GNA13: variants seen among roughly 807,000 people sequenced by gnomAD.
The protein encoded by GNA13 is guanine nucleotide-binding protein subunit alpha-13.
GNA13 carries 4 observed loss-of-function variants against 33.5 expected under a neutral mutation model. The ratio of observed to expected loss-of-function variants is 0.12; its 90% CI spans 0.06 to 0.27. GNA13 has a LOEUF of 0.27. Among genes scored for constraint, GNA13 ranks in the 10% least tolerant of loss-of-function variants. The probability of loss-of-function intolerance (pLI) is 1.00; values close to 1 mark genes in which losing one functional copy is unlikely to be tolerated. For synonymous variants in GNA13, 176 were observed against 183.8 expected, an observed-to-expected ratio of 0.96 and a Z score of 0.34; for missense variants, 319 against 487.2, an observed-to-expected ratio of 0.65 and a Z score of 3.25.
At chr17:65,042,554 C>T (rs371540579) in intron 2 of GNA13, among the ~76,000 whole-genome samples, 7 of 151,740 alleles carry the variant, frequency 4.6e-5, no homozygotes, top group Admixed American at 2.0e-4. Flanking sequence ...ATGGCCAACA[C>T]GGTGAAACCC....
chr17:65,020,776 G>A (rs1329660935), intron 2 of GNA13, among the ~76,000 whole-genome samples: 1 of 151,706 alleles, frequency 6.6e-6, no homozygotes, highest in Non-Finnish European at 1.5e-5. Flanking sequence ...TCAGCCTCTG[G>A]GGTAGCTGGG....
intron 3 of GNA13, among the ~76,000 whole-genome samples, chr17:65,017,792 A>G (rs1906424545): frequency 6.6e-6 from 1 of 152,186 alleles, no homozygotes; most frequent in Admixed American, 6.5e-5. Flanking sequence ...AAATCAGTCA[A>G]CCCACTGTGT....
chr17:65,014,613 G>C lies in GNA13; in HGVS notation c.778C>G (p.Arg260Gly). 2 of 1,613,880 alleles carry C rather than the reference G, an allele frequency of 1.2e-6. No individual in the cohort carries two copies. Among genetic ancestry groups the C allele is most frequent in the Non-Finnish European group, 1.7e-6 (2 of 1,179,754 alleles). ...SEFDQVLMEDRLTNRLTESLN... is the reference protein window; with the variant it reads ...SEFDQVLMEDGLTNRLTESLN... ...GACTCTGTAAGGCGATTGGTCAGTC[G>C]ATCTTCCATAAGCACCTGGTCAAAT... Residue 260 changes from arginine (R) to glycine (G), a missense_variant, in exon 4 of 4, where the codon CGA becomes GGA. Around this residue, in one of 4 missense-constraint regions of GNA13, gnomAD observed 134 missense variants for 241.3 expected, o/e 0.56. Transcript: ENST00000439174. This position sits in a 1 kb window ranked among gnomAD's most constrained non-coding sequence, Gnocchi z 5.3.
At chr17:65,052,354 G>C (rs774151634) in intron 2 of GNA13, among the ~76,000 whole-genome samples, 11 of 152,162 alleles carry the variant, frequency 7.2e-5, no homozygotes, top group Non-Finnish European at 1.5e-4. Context: ...GTGTTTCACC[G>C]TGTTGGCCAG....
chr17:65,051,334 G>A (rs947321201), intron 2 of GNA13, among the ~76,000 whole-genome samples: 3 of 152,174 alleles, frequency 2.0e-5, no homozygotes, highest in Non-Finnish European at 4.4e-5. Context: ...GGAGGTAGAT[G>A]GCCAGGCACA....
intron 2 of GNA13, among the ~76,000 whole-genome samples, chr17:65,051,509 G>A (rs111378471): frequency 1.2e-4 from 19 of 152,216 alleles, no homozygotes; most frequent in Middle Eastern, 3.4e-3. Context: ...CAGCTACTTG[G>A]GAGGCTGAGG....
At chr17:65,030,666 C>T (rs1414500948) in intron 2 of GNA13, among the ~76,000 whole-genome samples, 1 of 152,158 alleles carries the variant, frequency 6.6e-6, no homozygotes, top group Non-Finnish European at 1.5e-5. Flanking sequence ...GCAGAAATTT[C>T]ACTTTGAAAA....
chr17:65,023,486 T>G (rs1309092356), intron 2 of GNA13, among the ~76,000 whole-genome samples: 2 of 152,248 alleles, frequency 1.3e-5, no homozygotes, highest in Non-Finnish European at 2.9e-5. Context: ...ACCACTATTG[T>G]TGAACGCTGA....
At chr17:65,023,851 C>T (rs1353138434) in intron 2 of GNA13, among the ~76,000 whole-genome samples, 1 of 152,194 alleles carries the variant, frequency 6.6e-6, no homozygotes, top group African/African-American at 2.4e-5. Context: ...TCTACCTAAC[C>T]TTCAAGTGGT....
intron 2 of GNA13, among the ~76,000 whole-genome samples, chr17:65,045,126 T>C (rs566793561): frequency 2.1e-4 from 32 of 151,786 alleles, no homozygotes; most frequent in Non-Finnish European, 2.8e-4. Flanking sequence ...ACCAATTACA[T>C]AGAAGACAGG....
rs780326315 is a variant in GNA13 at position 65,014,608 on chromosome 17, C to A, written c.783G>T (p.Leu261=). The part of the protein sequence containing the change: ...EFDQVLMEDR[L]TNRLTESLNI... ...TCAGAGACTCTGTAAGGCGATTGGT[C>A]AGTCGATCTTCCATAAGCACCTGGT... Residue 261 remains leucine (L), a synonymous_variant, in exon 4 of 4, where the codon CTG becomes CTT. Transcript: ENST00000439174. The surrounding 1 kb of genome is among the most constrained non-coding windows in gnomAD (Gnocchi z 5.3). The A allele has an allele frequency of 6.2e-7, 1 of 1,613,980 alleles. No individual in the cohort carries two copies. Among genetic ancestry groups the A allele is most frequent in the African/African-American group, 1.3e-5 (1 of 75,042 alleles).
chr17:65,056,249 G>GCCCCCCCCCCCCCCCCCCCC, intron 1 of GNA13, 62 bp downstream of exon 1: 43 of 774,804 alleles, frequency 5.5e-5, no homozygotes, highest in East Asian at 2.1e-4. Flanking sequence ...GCCCCGCCCC[G>GCCCCCCCCCCCCCCCCCCCC]CACCCGCCGC....
At position 65,012,633 on chromosome 17, in the gene GNA13, G is replaced by T; in HGVS notation, c.*1624C>A. 4.4e-6 allele frequency: 1 copy of T among 229,722 alleles called. No homozygotes were observed. The highest frequency in any genetic ancestry group is 8.6e-6 in the Non-Finnish European group (1 of 115,862). 14.2% of individuals were successfully genotyped at this position (229,722 alleles called of 1,614,324 possible). ...GTATGTCAAGAACAATCCCTGGTTA[G>T]TTCACTGAAAAGCCCCACTCTCGTA... On this transcript the variant is annotated 3_prime_UTR_variant, in exon 4 of 4. Coordinates refer to ENST00000439174, the MANE Select transcript of GNA13 (RefSeq NM_006572.6).
At chr17:65,053,178 T>C (rs1036062804) in intron 2 of GNA13, 1 of 233,774 alleles carries the variant, frequency 4.3e-6, no homozygotes, top group African/African-American at 2.3e-5. Context: ...TGTTTTGGAT[T>C]TTGAATTTTT....
intron 1 of GNA13, among the ~76,000 whole-genome samples, chr17:65,054,035 TAACTC>T (rs1286782712): frequency 1.3e-5 from 2 of 152,164 alleles, no homozygotes; most frequent in Non-Finnish European, 2.9e-5. Context: ...AAAAACAATC[TAACTC>T]AAGAAAGAAA....
chr17:65,044,429 G>T (rs1436705277), intron 2 of GNA13, among the ~76,000 whole-genome samples: 1 of 152,118 alleles, frequency 6.6e-6, no homozygotes, highest in African/African-American at 2.4e-5. Flanking sequence ...ATACTTTCAA[G>T]CAGGGAAATA....
intron 3 of GNA13, among the ~76,000 whole-genome samples, chr17:65,016,422 C>T (rs967389198): frequency 3.9e-5 from 6 of 152,086 alleles, no homozygotes; most frequent in Admixed American, 1.3e-4. Context: ...AGTGCAGTGG[C>T]GGAATCTCGG....
chr17:65,029,701 C>T (rs990742917), intron 2 of GNA13, among the ~76,000 whole-genome samples: 2 of 152,178 alleles, frequency 1.3e-5, no homozygotes, highest in African/African-American at 4.8e-5. Flanking sequence ...CTCTTTGCTA[C>T]ACCTCCCTGT....
At chr17:65,024,867 C>T (rs974783865) in intron 2 of GNA13, among the ~76,000 whole-genome samples, 3 of 152,146 alleles carry the variant, frequency 2.0e-5, no homozygotes, top group Non-Finnish European at 2.9e-5. Context: ...TTAGTTTTAT[C>T]TTACTGTACA....
Sources: allele counts gnomAD v4.1 joint callset (sites outside exome capture counted in the v4.1 genomes callset), GRCh38; gene constraint gnomAD v4.1.1; regional missense constraint gnomAD v4.1.1; non-coding constraint Gnocchi (gnomAD v3.1); transcripts MANE v1.5; gene names NCBI Gene and HGNC (gene_info 2026-07-23, HGNC 2026-07-21).